Variants in RBFOX1 observed in about 807,000 individuals in gnomAD.
The protein encoded by RBFOX1 is RNA binding protein fox-1 homolog 1.
RBFOX1 carries 8 observed loss-of-function variants against 57.7 expected under a neutral mutation model. The ratio of observed to expected loss-of-function variants is 0.14; its 90% CI spans 0.08 to 0.25. The LOEUF (loss-of-function observed/expected upper bound fraction) is 0.25, where lower values mean the gene tolerates loss of function less well. Among genes scored for constraint, RBFOX1 ranks in the 10% least tolerant of loss-of-function variants. The pLI is 1.00. For synonymous variants in RBFOX1, 326 were observed against 222.4 expected (o/e 1.47, Z -4.15); for missense variants, 611 against 548.5 (o/e 1.11, Z -1.14).
intron 3 of RBFOX1, among the ~76,000 whole-genome samples, chr16:6,714,576 C>G (rs2064384719): frequency 6.6e-6 from 1 of 152,100 alleles, no homozygotes; most frequent in Non-Finnish European, 1.5e-5. Context: ...TCTGCTTTTC[C>G]TGCTGCACAG....
chr16:7,019,341 C>T (rs2094088288), intron 3 of RBFOX1, among the ~76,000 whole-genome samples: 1 of 151,954 alleles, frequency 6.6e-6, no homozygotes, highest in African/African-American at 2.4e-5. Flanking sequence ...AAAATGAATT[C>T]TTTGGAGTAA....
chr16:5,934,528 G>A (rs751882394), intron 4 of RBFOX1, among the ~76,000 whole-genome samples: 28 of 152,178 alleles, frequency 1.8e-4, no homozygotes, highest in Non-Finnish European at 2.6e-4. Flanking sequence ...CACGACTCAC[G>A]TTGCAGATCA....
chr16:6,318,119 G>A (rs2081329146), intron 2 of RBFOX1, among the ~76,000 whole-genome samples: 1 of 152,088 alleles, frequency 6.6e-6, no homozygotes, highest in South Asian at 2.1e-4. Context: ...AAATGCAGAG[G>A]GGAAGGAGGC....
intron 4 of RBFOX1, among the ~76,000 whole-genome samples, chr16:7,117,784 G>T (rs547800238): frequency 1.3e-5 from 2 of 152,260 alleles, no homozygotes; most frequent in South Asian, 2.1e-4. Flanking sequence ...CAGGGTATCA[G>T]CCAGGACTGG....
chr16:5,434,226 C>A (rs2067843625), intron 1 of RBFOX1, among the ~76,000 whole-genome samples: 2 of 150,342 alleles, frequency 1.3e-5, no homozygotes, highest in Admixed American at 1.3e-4. Context: ...AAGGATGAGG[C>A]CTTAGCAAAA....
chr16:7,644,579 C>A (rs1442022779), intron 11 of RBFOX1, among the ~76,000 whole-genome samples: 2 of 152,154 alleles, frequency 1.3e-5, no homozygotes, highest in African/African-American at 4.8e-5. Flanking sequence ...CATTTTCTTT[C>A]GTAACTGTAG....
At chr16:7,330,506 G>T (rs2096672724) in intron 4 of RBFOX1, among the ~76,000 whole-genome samples, 3 of 80,230 alleles carry the variant, frequency 3.7e-5, no homozygotes, top group Non-Finnish European at 7.7e-5. Context: ...GTGTGTGTGT[G>T]TGTTTGTGTG....
rs533980408 is a variant in RBFOX1 at position 7,526,215 on chromosome 16, C to T, written c.270+7826C>T. ...TCATCCTGAAACCATCCTCCCTGCC[C>T]CACTGTGTCCATGGAAAAATTGTCT... On this transcript the variant is annotated intron_variant, in intron 5 of 15. Transcript: ENST00000550418. 8.5e-5 allele frequency among the ~76,000 whole-genome samples: 13 copies of T among 152,238 alleles called. No individual in the cohort carries two copies. In the South Asian group the frequency reaches 2.7e-3, roughly 32 times the overall value.
At chr16:5,247,869 G>C (rs1012825078) in intron 1 of RBFOX1, among the ~76,000 whole-genome samples, 1 of 152,212 alleles carries the variant, frequency 6.6e-6, no homozygotes, top group Admixed American at 6.5e-5. Flanking sequence ...GTCTGGGCTA[G>C]GGTTGGAGCA....
At chr16:5,464,878 G>A (rs1026792395) in intron 1 of RBFOX1, among the ~76,000 whole-genome samples, 3 of 152,192 alleles carry the variant, frequency 2.0e-5, no homozygotes, top group Non-Finnish European at 4.4e-5. Flanking sequence ...TAGGAGCCCA[G>A]GAGGAAGGTC....
chr16:6,739,773 A>T (rs1472052268), intron 3 of RBFOX1, among the ~76,000 whole-genome samples: 1 of 152,088 alleles, frequency 6.6e-6, no homozygotes, highest in African/African-American at 2.4e-5. Flanking sequence ...GCTCCTCGGG[A>T]GGCTGAGGCA....
At chr16:5,796,535 G>C (rs189758711) in intron 3 of RBFOX1, among the ~76,000 whole-genome samples, 1 of 150,408 alleles carries the variant, frequency 6.6e-6, no homozygotes, top group African/African-American at 2.5e-5. Flanking sequence ...CAGGGATGAA[G>C]CAGGGCTGTA....
rs17144491 is a variant in RBFOX1 at position 7,656,217 on chromosome 16, G to A, written c.890+2270G>A. ...TTCATGTCTGCAATAACCTATTAGA[G>A]CAAGGTACTGGTCAAAAAGAAGGAA... On this transcript the variant is annotated intron_variant, in intron 12 of 15. Coordinates refer to ENST00000550418, the MANE Select transcript of RBFOX1 (RefSeq NM_018723.4). 8.8e-3 allele frequency among the ~76,000 whole-genome samples: 1,337 copies of A among 152,320 alleles called. 17 individuals carry two copies. The highest frequency in any genetic ancestry group is 0.03 in the African/African-American group (1,258 of 41,580).
intron 3 of RBFOX1, among the ~76,000 whole-genome samples, chr16:5,621,843 C>T (rs565390485): frequency 4.4e-4 from 67 of 152,248 alleles, no homozygotes; most frequent in Admixed American, 2.0e-3. Context: ...CATATTTTTG[C>T]ACCCAAGCCT....
chr16:7,657,246 C>CAT (rs1283118954), intron 12 of RBFOX1, among the ~76,000 whole-genome samples: 1 of 152,188 alleles, frequency 6.6e-6, no homozygotes, highest in African/African-American at 2.4e-5. Context: ...AGATATCCAA[C>CAT]ATAAAGATAG....
At chr16:6,843,155 A>G (rs952470155) in intron 3 of RBFOX1, among the ~76,000 whole-genome samples, 2 of 152,138 alleles carry the variant, frequency 1.3e-5, no homozygotes, top group African/African-American at 4.8e-5. Context: ...TTTTAAGCAT[A>G]TGATTCTCTG....
intron 1 of RBFOX1, among the ~76,000 whole-genome samples, chr16:6,108,291 G>T (rs542237484): frequency 1.4e-4 from 22 of 152,130 alleles, no homozygotes; most frequent in Non-Finnish European, 2.6e-4. Flanking sequence ...CCCGGAATCA[G>T]CTTTCTGAGT....
intron 4 of RBFOX1, among the ~76,000 whole-genome samples, chr16:5,962,787 C>A (rs1465944674): frequency 6.7e-6 from 1 of 150,364 alleles, no homozygotes; most frequent in Non-Finnish European, 1.5e-5. Flanking sequence ...TTCAGTAATC[C>A]AGCAGCTACG....
chr16:6,355,990 T>G (rs932987388), intron 2 of RBFOX1, among the ~76,000 whole-genome samples: 1 of 152,160 alleles, frequency 6.6e-6, no homozygotes, highest in Non-Finnish European at 1.5e-5. Context: ...CTGAAGCAAT[T>G]TAAACAGCAG....
Sources: allele counts gnomAD v4.1 joint callset (sites outside exome capture counted in the v4.1 genomes callset), GRCh38; gene constraint gnomAD v4.1.1; transcripts MANE v1.5; gene names NCBI Gene and HGNC (gene_info 2026-07-23, HGNC 2026-07-21).